The following FOCAD variants were observed in gnomAD, a reference collection of about 807,000 sequenced individuals.
FOCAD encodes the protein focadhesin.
A neutral mutation model predicts 225.6 loss-of-function variants in FOCAD; 198 were observed. The ratio of observed to expected loss-of-function variants is 0.88; its 90% CI spans 0.78 to 0.99. The LOEUF (loss-of-function observed/expected upper bound fraction) is 0.99, where lower values mean the gene tolerates loss of function less well. FOCAD is among the 50% of genes least tolerant of loss of function. The pLI is 0.00. For synonymous variants in FOCAD, 897 were observed against 755.0 expected, an observed-to-expected ratio of 1.19 and a Z score of -3.08; for missense variants, 2,713 against 2,123.6, an observed-to-expected ratio of 1.28 and a Z score of -5.46.
chr9:20,715,522 T>C, intron 2 of FOCAD, 112 bp downstream of exon 2: 2 of 441,550 alleles, frequency 4.5e-6, no homozygotes, highest in Non-Finnish European at 7.2e-6. Context: ...TGTAGAGATT[T>C]ATATTTTGTG....
upstream of FOCAD, among the ~76,000 whole-genome samples, chr9:20,680,682 A>G (rs1341479992): frequency 1.3e-5 from 2 of 152,186 alleles, no homozygotes; most frequent in Non-Finnish European, 2.9e-5. Context: ...AAAACATATT[A>G]GCAGCTAGCC....
At chr9:20,875,721 A>G (rs1249765268) in intron 19 of FOCAD, 1 of 152,184 alleles carries the variant, frequency 6.6e-6, no homozygotes. Context: ...GGTAGACGAT[A>G]CCATTTGAAA....
At chr9:20,915,728 A>G (rs1833815514) in intron 23 of FOCAD, among the ~76,000 whole-genome samples, 4 of 152,184 alleles carry the variant, frequency 2.6e-5, no homozygotes, top group African/African-American at 9.7e-5. Context: ...TAGATACTAC[A>G]GTATGTTCAC....
chr9:20,874,855 A>G (rs775047298), intron 19 of FOCAD, 48 bp downstream of exon 19: 2 of 1,608,818 alleles, frequency 1.2e-6, no homozygotes, highest in African/African-American at 1.3e-5. Flanking sequence ...TAGTGGTTCG[A>G]TTTGTCTGAT....
intron 10 of FOCAD, 100 bp downstream of exon 10, chr9:20,782,029 A>G (rs1819430832): frequency 1.0e-6 from 1 of 986,326 alleles, no homozygotes. Context: ...GTTTGTTATC[A>G]GACTTCACCA....
At chr9:20,894,172 C>T (rs1320984523) in intron 21 of FOCAD, among the ~76,000 whole-genome samples, 2 of 152,008 alleles carry the variant, frequency 1.3e-5, no homozygotes, top group African/African-American at 4.8e-5. Context: ...TAGTATTAGG[C>T]ATTTGTTTTC....
intron 18 of FOCAD, among the ~76,000 whole-genome samples, chr9:20,868,391 A>C (rs189156671): frequency 1.2e-3 from 189 of 152,170 alleles, no homozygotes; most frequent in Middle Eastern, 3.4e-3. Flanking sequence ...TACTCTTGAC[A>C]TTTAGTCTCT....
At chr9:20,744,335 A>G (rs1042464975) in intron 5 of FOCAD, among the ~76,000 whole-genome samples, 1 of 152,200 alleles carries the variant, frequency 6.6e-6, no homozygotes, top group Non-Finnish European at 1.5e-5. Context: ...AGGCTTTGAG[A>G]AACACTGGAT....
intron 2 of FOCAD, among the ~76,000 whole-genome samples, chr9:20,665,378 C>G (rs1033076012): frequency 6.6e-6 from 1 of 152,044 alleles, no homozygotes; most frequent in Non-Finnish European, 1.5e-5. Flanking sequence ...GACAATAAAG[C>G]CCAACTCTTT....
intron 35 of FOCAD, among the ~76,000 whole-genome samples, chr9:20,967,735 C>A: frequency 6.6e-6 from 1 of 152,002 alleles, no homozygotes; most frequent in South Asian, 2.1e-4. Context: ...AATAGTCCTG[C>A]GGGCTTTTTT....
At chr9:20,909,107 T>G (rs1833224661) in intron 22 of FOCAD, among the ~76,000 whole-genome samples, 2 of 152,100 alleles carry the variant, frequency 1.3e-5, no homozygotes, top group Admixed American at 1.3e-4. Context: ...AATAGGGTTA[T>G]AGTATAATTC....
At chr9:20,817,865 G>A (rs1458719560) in intron 11 of FOCAD, among the ~76,000 whole-genome samples, 1 of 152,128 alleles carries the variant, frequency 6.6e-6, no homozygotes, top group African/African-American at 2.4e-5. Flanking sequence ...AAGATTTTGT[G>A]TGGACATATG....
Position 20,990,150 on chromosome 9 carries a change from G to C in FOCAD, c.5032G>C (p.Ala1678Pro). 2 of 1,614,168 alleles carry C rather than the reference G, an allele frequency of 1.2e-6. No individual in the cohort carries two copies. The highest frequency in any genetic ancestry group is 1.7e-6 in the Non-Finnish European group (2 of 1,180,010). The change falls in exon 42 of 44, where the codon GCA becomes CCA. Residue 1678 changes from alanine to proline, a missense_variant. Coordinates refer to ENST00000338382, the MANE Select transcript of FOCAD (RefSeq NM_001375567.1). ...KALDFFLLIF[A>P]TAVVAWADHT... ...TTTGGACTTCTTCTTGCTGATATTT[G>C]CAACCGCAGTGGTTGCATGGGCTGA...
chr9:20,932,024 G>T (rs958019192), intron 27 of FOCAD, among the ~76,000 whole-genome samples: 1 of 151,822 alleles, frequency 6.6e-6, no homozygotes, highest in African/African-American at 2.4e-5. Context: ...GTGGAATGTT[G>T]TTCCACAGCT....
chr9:20,796,264 A>G (rs935463556), intron 11 of FOCAD, among the ~76,000 whole-genome samples: 10 of 152,156 alleles, frequency 6.6e-5, no homozygotes, highest in African/African-American at 1.9e-4. Context: ...AAATAGTGCC[A>G]CAATAAACAT....
intron 5 of FOCAD, among the ~76,000 whole-genome samples, chr9:20,757,083 C>T (rs934023078): frequency 1.3e-5 from 2 of 152,184 alleles, no homozygotes; most frequent in Non-Finnish European, 2.9e-5. Flanking sequence ...GCATGCGCCA[C>T]CATTCCCGGC....
At chr9:20,766,149 T>A (rs1350644946) in intron 7 of FOCAD, among the ~76,000 whole-genome samples, 1 of 152,170 alleles carries the variant, frequency 6.6e-6, no homozygotes, top group Non-Finnish European at 1.5e-5. Flanking sequence ...TTGGCAAAGG[T>A]TTGTCTTCAT....
chr9:20,818,922 A>C (rs1824021573), intron 11 of FOCAD, among the ~76,000 whole-genome samples: 1 of 152,120 alleles, frequency 6.6e-6, no homozygotes, highest in South Asian at 2.1e-4. Flanking sequence ...TGGAATTTTG[A>C]TAAAGATTGC....
chr9:20,794,203 CAGAACTT>C (rs1327190068), intron 11 of FOCAD, among the ~76,000 whole-genome samples: 2 of 152,036 alleles, frequency 1.3e-5, no homozygotes, highest in Non-Finnish European at 2.9e-5. Context: ...CTAGAAGTAA[CAGAACTT>C]AGAGAGCAGG....
Sources: allele counts gnomAD v4.1 joint callset (sites outside exome capture counted in the v4.1 genomes callset), GRCh38; gene constraint gnomAD v4.1.1; transcripts MANE v1.5; gene names NCBI Gene and HGNC (gene_info 2026-07-23, HGNC 2026-07-21).